The following KLF12 variants were observed in gnomAD, a reference collection of about 807,000 sequenced individuals.
KLF12 encodes the protein KLF transcription factor 12.
KLF12 carries 9 observed loss-of-function variants against 37.8 expected under a neutral mutation model. That is an observed-to-expected ratio of 0.24 (90% CI 0.14 to 0.42). The LOEUF (loss-of-function observed/expected upper bound fraction) is 0.42, where lower values mean the gene tolerates loss of function less well. Ranked by LOEUF, KLF12 falls within the 10% of genes least tolerant of loss-of-function variation. The pLI, the probability that KLF12 is intolerant of heterozygous loss-of-function variation, is 1.00. For synonymous variants in KLF12, 208 were observed against 202.1 expected (o/e 1.03, Z -0.25); for missense variants, 411 against 516.0 (o/e 0.80, Z 1.97).
chr13:73,732,620 G>T (rs1877149579), intron 6 of KLF12, among the ~76,000 whole-genome samples: 1 of 152,116 alleles, frequency 6.6e-6, no homozygotes, highest in South Asian at 2.1e-4. Flanking sequence ...ACCTCTCAAT[G>T]TTGGAGGTTC....
chr13:74,221,519 T>C, the KLF12 span, among the ~76,000 whole-genome samples: 1 of 152,060 alleles, frequency 6.6e-6, no homozygotes, highest in Non-Finnish European at 1.5e-5. Context: ...ATTTCCTTAA[T>C]ATTAACTTTA....
intron 1 of KLF12, among the ~76,000 whole-genome samples, chr13:74,013,005 AAAG>A (rs1892589038): frequency 6.6e-6 from 1 of 152,250 alleles, no homozygotes; most frequent in Non-Finnish European, 1.5e-5. Context: ...TGTGACATAG[AAAG>A]AATACCCGCC....
chr13:73,797,154 C>T (rs1462284328), intron 5 of KLF12, among the ~76,000 whole-genome samples: 1 of 152,030 alleles, frequency 6.6e-6, no homozygotes, highest in African/African-American at 2.4e-5. Context: ...TAAAAAATAC[C>T]TCAAAAAATA....
rs531260622 is a variant in KLF12, at chr13:73,694,035, G to A, written c.*1455C>T. 120 of 152,558 alleles carry A rather than the reference G, an allele frequency of 7.9e-4. No homozygotes were observed. The highest frequency in any genetic ancestry group is 1.5e-3 in the Non-Finnish European group (99 of 68,034). The allele number at this position is 152,558 out of a possible 1,614,324, so 9.5% of individuals were successfully genotyped here. On this transcript the variant is annotated 3_prime_UTR_variant, in exon 8 of 8. Coordinates refer to ENST00000377669, the MANE Select transcript of KLF12 (RefSeq NM_007249.5). ...CAGGATGAGTGGGTTCAATATCCCTGCAGATGCCAATGCAGGACACCTGGG... is the reference window on the plus strand; with the variant it reads ...CAGGATGAGTGGGTTCAATATCCCTACAGATGCCAATGCAGGACACCTGGG...
intron 1 of KLF12, among the ~76,000 whole-genome samples, chr13:74,055,491 G>T (rs1008322370): frequency 6.6e-6 from 1 of 152,124 alleles, no homozygotes; most frequent in Non-Finnish European, 1.5e-5. Flanking sequence ...TGCTCCAGTA[G>T]GTCTGATCTC....
the KLF12 span, among the ~76,000 whole-genome samples, chr13:74,172,751 C>T: frequency 1.3e-5 from 2 of 151,986 alleles, no homozygotes; most frequent in African/African-American, 4.8e-5. Flanking sequence ...TGAGATGGCC[C>T]GGGTTGACTA....
the KLF12 span, among the ~76,000 whole-genome samples, chr13:74,217,306 G>C: frequency 2.7e-4 from 38 of 143,344 alleles, no homozygotes; most frequent in African/African-American, 1.1e-3. Flanking sequence ...TGGCATAATA[G>C]ATGACTTTTT....
intron 2 of KLF12, among the ~76,000 whole-genome samples, chr13:73,962,829 T>C (rs770022451): frequency 6.6e-6 from 1 of 152,206 alleles, no homozygotes; most frequent in African/African-American, 2.4e-5. Context: ...TATTTAGACA[T>C]ATGTAAAAAC....
At chr13:73,792,232 G>A (rs1426347052) in intron 5 of KLF12, among the ~76,000 whole-genome samples, 1 of 152,086 alleles carries the variant, frequency 6.6e-6, no homozygotes, top group Non-Finnish European at 1.5e-5. Context: ...TAGTTCTAGA[G>A]GGAGATTTTT....
chr13:73,751,406 T>G (rs756065483), intron 6 of KLF12, among the ~76,000 whole-genome samples: 9 of 152,174 alleles, frequency 5.9e-5, no homozygotes, highest in Non-Finnish European at 1.0e-4. Flanking sequence ...CAACATCTGT[T>G]GACTTTTTAA....
chr13:74,007,117 G>T (rs575933181), intron 1 of KLF12, among the ~76,000 whole-genome samples: 1 of 151,992 alleles, frequency 6.6e-6, no homozygotes, highest in Non-Finnish European at 1.5e-5. Flanking sequence ...CACAAGTACT[G>T]AATAAAATCA....
intron 1 of KLF12, among the ~76,000 whole-genome samples, chr13:74,117,367 G>A (rs1039581483): frequency 1.1e-4 from 17 of 152,178 alleles, no homozygotes; most frequent in African/African-American, 3.9e-4. Context: ...AAATCTGAAA[G>A]TGGTCTTTGG....
chr13:73,874,582 T>C (rs923619206), intron 3 of KLF12, among the ~76,000 whole-genome samples: 1 of 152,182 alleles, frequency 6.6e-6, no homozygotes, highest in African/African-American at 2.4e-5. Context: ...ACTTCTGTTT[T>C]CTTCAGCAAA....
At chr13:73,813,040 G>T in intron 5 of KLF12, 112 bp downstream of exon 5, 1 of 1,104,094 alleles carries the variant, frequency 9.1e-7, no homozygotes, top group Non-Finnish European at 1.3e-6. Flanking sequence ...GCTGACATTC[G>T]TGCCAGTTCA....
At chr13:74,008,496 G>A (rs1305207686) in intron 1 of KLF12, among the ~76,000 whole-genome samples, 1 of 152,170 alleles carries the variant, frequency 6.6e-6, no homozygotes, top group Non-Finnish European at 1.5e-5. Flanking sequence ...GAATTCTTAT[G>A]GCTGACGACT....
intron 3 of KLF12, among the ~76,000 whole-genome samples, chr13:73,907,281 T>C (rs1257127595): frequency 6.6e-6 from 1 of 152,188 alleles, no homozygotes; most frequent in African/African-American, 2.4e-5. Flanking sequence ...TGTCTACCTA[T>C]GGTGCCTCCA....
intron 1 of KLF12, among the ~76,000 whole-genome samples, chr13:74,039,182 G>A (rs186514755): frequency 3.9e-5 from 6 of 152,030 alleles, no homozygotes; most frequent in Non-Finnish European, 8.8e-5. Flanking sequence ...CTGCCAAGTT[G>A]GTCTAATCAG....
intron 5 of KLF12, among the ~76,000 whole-genome samples, chr13:73,809,774 C>G (rs1882831834): frequency 6.6e-6 from 1 of 152,130 alleles, no homozygotes; most frequent in Non-Finnish European, 1.5e-5. Flanking sequence ...GACTCATTAA[C>G]TATTGATGGG....
intron 3 of KLF12, among the ~76,000 whole-genome samples, chr13:73,873,159 C>A (rs1886551754): frequency 6.6e-6 from 1 of 151,866 alleles, no homozygotes; most frequent in African/African-American, 2.4e-5. Context: ...ACAACATAAT[C>A]GATGATCTAT....
Sources: gnomAD v4.1 joint callset for allele counts (sites outside exome capture counted in the v4.1 genomes callset) on GRCh38, gnomAD v4.1.1 for gene constraint, MANE v1.5 for transcripts, NCBI Gene and HGNC (gene_info 2026-07-23, HGNC 2026-07-21) for gene names.